Variants in XKR9 observed in about 807,000 individuals in gnomAD.
XKR9 encodes XK related 9.
XKR9 carries 32 observed loss-of-function variants against 32.0 expected under a neutral mutation model. The ratio of observed to expected loss-of-function variants is 1.00; its 90% CI spans 0.76 to 1.34. The LOEUF is 1.34. Ranked by LOEUF, XKR9 falls within the 40% of genes most tolerant of loss-of-function variation. XKR9 has a pLI of 0.00. For synonymous variants in XKR9, 168 were observed against 143.4 expected (o/e 1.17, Z -1.22); for missense variants, 546 against 429.7 (o/e 1.27, Z -2.39).
At chr8:70,911,250 C>G in the XKR9 span, among the ~76,000 whole-genome samples, 1 of 152,186 alleles carries the variant, frequency 6.6e-6, no homozygotes, top group African/African-American at 2.4e-5. Flanking sequence ...AGGAAAGGTG[C>G]TTGCCATTAT....
chr8:70,683,031 G>A (rs998518371), intron 3 of XKR9, among the ~76,000 whole-genome samples: 3 of 152,176 alleles, frequency 2.0e-5, no homozygotes, highest in Non-Finnish European at 2.9e-5. Flanking sequence ...CTTTGCTTGG[G>A]CAGAATCCAG....
the XKR9 span, among the ~76,000 whole-genome samples, chr8:70,803,203 T>G: frequency 6.6e-6 from 1 of 152,222 alleles, no homozygotes; most frequent in Admixed American, 6.5e-5. Flanking sequence ...TCTTCAAACT[T>G]GGACATTCTT....
chr8:70,992,699 C>G, the XKR9 span, among the ~76,000 whole-genome samples: 8 of 152,218 alleles, frequency 5.3e-5, no homozygotes, highest in Non-Finnish European at 1.2e-4. Context: ...GTAACAAGTT[C>G]TGTCTTCAGA....
At position 70,735,076 on chromosome 8, in the gene XKR9, A is replaced by G. The variant is rs1007088485; in HGVS notation, c.*652A>G. The stretch of plus-strand genomic sequence containing the variant: ...GTGCTAGAATAGTTGTATCTAAATC[A>G]TATTTTAAAATTATTTTTATTTTTA... On this transcript the variant is annotated 3_prime_UTR_variant, in exon 5 of 5. Transcript: ENST00000408926. 2 of 152,180 alleles carry G rather than the reference A, an allele frequency of 1.3e-5. No homozygotes were observed. Among genetic ancestry groups the G allele is most frequent in the Non-Finnish European group, 2.9e-5 (2 of 68,024 alleles). The allele number at this position is 152,180 out of a possible 1,614,324, so 9.4% of individuals were successfully genotyped here.
At chr8:70,837,601 T>C in the XKR9 span, among the ~76,000 whole-genome samples, 1 of 151,990 alleles carries the variant, frequency 6.6e-6, no homozygotes, top group African/African-American at 2.4e-5. Context: ...GTTTAAGGGA[T>C]TGAAAAGGAA....
chr8:70,773,696 A>T (rs1807482890), intron 2 of XKR9, among the ~76,000 whole-genome samples: 1 of 152,160 alleles, frequency 6.6e-6, no homozygotes, highest in South Asian at 2.1e-4. Context: ...GGTCAAAAAC[A>T]CTGATTTATT....
chr8:70,772,249 G>GT (rs1807463322), intron 2 of XKR9, among the ~76,000 whole-genome samples: 1 of 152,190 alleles, frequency 6.6e-6, no homozygotes, highest in African/African-American at 2.4e-5. Context: ...TGCTGTAAAT[G>GT]TTTAACACAT....
intron 3 of XKR9, among the ~76,000 whole-genome samples, chr8:70,683,977 T>C (rs377059054): frequency 2.6e-5 from 4 of 152,340 alleles, no homozygotes; most frequent in African/African-American, 9.6e-5. Context: ...GCATATTATA[T>C]TTGATTGTTT....
chr8:70,755,809 T>C (rs1033038367), intron 2 of XKR9, among the ~76,000 whole-genome samples: 6 of 151,526 alleles, frequency 4.0e-5, no homozygotes, highest in African/African-American at 2.4e-5. Flanking sequence ...TACCTAATGC[T>C]AAATGACGAG....
the XKR9 span, among the ~76,000 whole-genome samples, chr8:71,009,915 T>C: frequency 0.43 from 65,731 of 152,046 alleles, 15,300 homozygotes; most frequent in Non-Finnish European, 0.53. Context: ...GATTTTGCAC[T>C]GTGTTGAGGT....
At chr8:71,027,505 T>C in the XKR9 span, among the ~76,000 whole-genome samples, 1 of 149,732 alleles carries the variant, frequency 6.7e-6, no homozygotes, top group Non-Finnish European at 1.5e-5. Flanking sequence ...TGTGTATATA[T>C]ATATATGCAT....
At chr8:70,776,923 T>TCCCTCTCTCTCTC (rs1563477157) in intron 2 of XKR9, among the ~76,000 whole-genome samples, 1 of 59,618 alleles carries the variant, frequency 1.7e-5, no homozygotes, top group Non-Finnish European at 3.2e-5. Flanking sequence ...TTCTCTTTCT[T>TCCCTCTCTCTCTC]TCTCTCTCTC....
the XKR9 span, among the ~76,000 whole-genome samples, chr8:70,804,244 T>G: frequency 6.6e-6 from 1 of 152,178 alleles, no homozygotes; most frequent in Admixed American, 6.5e-5. Flanking sequence ...GTAGGCGGGG[T>G]CACCTGCCCT....
chr8:70,680,995 TG>T lies in XKR9; in HGVS notation c.-62del. 6.7e-7 allele frequency: 1 copy of T among 1,491,846 alleles called. No homozygotes were observed. The highest frequency in any genetic ancestry group is 2.0e-5 in the Admixed American group (1 of 49,704). The allele number at this position is 1,491,846 out of a possible 1,614,324, so 92.4% of individuals were successfully genotyped here. ...ACCAAAGGGTATACTAATATTTGTT[TG>T]GCTTTTTTTCCCTTTTTGTGAGGGA... On this transcript the variant is annotated 5_prime_UTR_variant, in exon 3 of 5. Coordinates refer to ENST00000408926, the MANE Select transcript of XKR9 (RefSeq NM_001011720.2).
chr8:70,842,547 T>TACACACACACACAC, the XKR9 span, among the ~76,000 whole-genome samples: 205 of 149,132 alleles, frequency 1.4e-3, 1 homozygote, highest in Middle Eastern at 0.01. Flanking sequence ...CATCATTATT[T>TACACACACACACAC]ACACACACAC....
intron 4 of XKR9, among the ~76,000 whole-genome samples, chr8:70,720,354 A>C (rs2132213408): frequency 6.6e-6 from 1 of 152,270 alleles, no homozygotes; most frequent in Middle Eastern, 3.4e-3. Context: ...GAGTGGTGAG[A>C]GAGGGCATCC....
the XKR9 span, among the ~76,000 whole-genome samples, chr8:70,861,446 GT>G: frequency 6.6e-6 from 1 of 151,806 alleles, no homozygotes; most frequent in East Asian, 1.9e-4. Flanking sequence ...AAACCAGGAA[GT>G]TCAGATCAGC....
At chr8:70,980,560 T>G in the XKR9 span, among the ~76,000 whole-genome samples, 1 of 152,248 alleles carries the variant, frequency 6.6e-6, no homozygotes, top group Non-Finnish European at 1.5e-5. Flanking sequence ...AGAAACTTGG[T>G]TGGTGAATTC....
intron 2 of XKR9, among the ~76,000 whole-genome samples, chr8:70,757,032 T>G (rs1380164780): frequency 2.0e-5 from 3 of 152,228 alleles, no homozygotes; most frequent in African/African-American, 7.2e-5. Context: ...TCCTATTTAT[T>G]GAATGTTTTT....
Sources: gnomAD v4.1 joint callset for allele counts (sites outside exome capture counted in the v4.1 genomes callset) on GRCh38, gnomAD v4.1.1 for gene constraint, MANE v1.5 for transcripts, NCBI Gene and HGNC (gene_info 2026-07-23, HGNC 2026-07-21) for gene names.